The following CEMIP variants were observed in gnomAD, a reference collection of about 807,000 sequenced individuals.
CEMIP encodes cell migration-inducing and hyaluronan-binding protein.
In CEMIP, 105 loss-of-function variants were observed where a neutral mutation model predicts 156.9. The observed-to-expected ratio is 0.67, with a 90% CI of 0.57 to 0.79. The LOEUF (loss-of-function observed/expected upper bound fraction) is 0.79. Among genes scored for constraint, CEMIP ranks in the 30% least tolerant of loss-of-function variants. CEMIP has a pLI of 0.00. For missense variants in CEMIP, 1,457 were observed against 1,769.4 expected, an observed-to-expected ratio of 0.82 and a Z score of 3.17; for synonymous variants, 676 against 668.4, an observed-to-expected ratio of 1.01 and a Z score of -0.17.
intron 14 of CEMIP, among the ~76,000 whole-genome samples, chr15:80,913,496 C>A (rs1900145116): frequency 8.7e-6 from 1 of 115,338 alleles, no homozygotes; most frequent in East Asian, 3.4e-4. Flanking sequence ...TCACAGAGAC[C>A]TGTGTTTTCA....
intron 1 of CEMIP, among the ~76,000 whole-genome samples, chr15:80,817,673 C>A (rs990516806): frequency 6.6e-6 from 1 of 150,856 alleles, no homozygotes; most frequent in East Asian, 1.9e-4. Context: ...ATTATGGGAA[C>A]ATTTGGGGGT....
At chr15:80,889,697 C>T (rs944285177) in intron 10 of CEMIP, 105 bp downstream of exon 10, 6 of 1,463,918 alleles carry the variant, frequency 4.1e-6, no homozygotes, top group Non-Finnish European at 5.7e-6. Context: ...TTCTCGTTGC[C>T]CTCCTGTGAG....
intron 29 of CEMIP, 105 bp from the exon 30 acceptor site, chr15:80,948,692 G>T: frequency 6.8e-7 from 1 of 1,472,240 alleles, no homozygotes. Context: ...TGGCTAGGCG[G>T]TACCTGGTGG....
intron 1 of CEMIP, among the ~76,000 whole-genome samples, chr15:80,788,471 C>CAAA (rs11320710): frequency 8.3e-4 from 66 of 79,314 alleles, no homozygotes; most frequent in Admixed American, 3.4e-3. Flanking sequence ...AACTCCATCT[C>CAAA]AAAAAAAAAA....
At chr15:80,848,953 A>ATTTTTTTTTTTTTTTTTTTTTTTTT (rs764417438) in intron 1 of CEMIP, among the ~76,000 whole-genome samples, 1 of 72,462 alleles carries the variant, frequency 1.4e-5, no homozygotes, top group Non-Finnish European at 2.4e-5. Context: ...CTCTTTAGAA[A>ATTTTTTTTTTTTTTTTTTTTTTTTT]TTTTTTTTTT....
chr15:80,800,196 A>G (rs551245710), intron 1 of CEMIP, among the ~76,000 whole-genome samples: 5 of 152,156 alleles, frequency 3.3e-5, no homozygotes, highest in Admixed American at 6.5e-5. Context: ...TTAATAGCCT[A>G]TGTTGAAGGG....
chr15:80,826,061 C>G (rs994254842), intron 1 of CEMIP, among the ~76,000 whole-genome samples: 1 of 152,220 alleles, frequency 6.6e-6, no homozygotes, highest in Non-Finnish European at 1.5e-5. Context: ...TTCTGTGCAA[C>G]TCCATCCAAT....
intron 17 of CEMIP, among the ~76,000 whole-genome samples, chr15:80,922,475 C>A (rs1013207671): frequency 6.6e-6 from 1 of 152,186 alleles, no homozygotes; most frequent in Non-Finnish European, 1.5e-5. Context: ...ATTCACTTGG[C>A]GGGGCTGGGT....
intron 1 of CEMIP, among the ~76,000 whole-genome samples, chr15:80,815,297 T>C (rs1434549989): frequency 6.6e-6 from 1 of 152,248 alleles, no homozygotes; most frequent in East Asian, 1.9e-4. Flanking sequence ...CCTGGCCCAA[T>C]TCCCAGTGCT....
intron 1 of CEMIP, among the ~76,000 whole-genome samples, chr15:80,788,787 C>A (rs1272637024): frequency 3.3e-5 from 5 of 152,124 alleles, no homozygotes; most frequent in Non-Finnish European, 5.9e-5. Flanking sequence ...ATGAGTGAGC[C>A]TGCTCATCTC....
chr15:80,855,406 C>T (rs1897826914), intron 1 of CEMIP, among the ~76,000 whole-genome samples: 1 of 152,160 alleles, frequency 6.6e-6, no homozygotes, highest in Non-Finnish European at 1.5e-5. Context: ...GCCGAGGACA[C>T]CTGCCTCCAA....
intron 1 of CEMIP, among the ~76,000 whole-genome samples, chr15:80,791,553 T>C (rs1051161899): frequency 3.3e-5 from 5 of 152,092 alleles, no homozygotes; most frequent in African/African-American, 1.2e-4. Context: ...TGAGGTTTCT[T>C]CCCGCTGCAA....
chr15:80,794,724 T>G (rs1340813636), intron 1 of CEMIP, among the ~76,000 whole-genome samples: 5 of 152,212 alleles, frequency 3.3e-5, no homozygotes, highest in Non-Finnish European at 5.9e-5. Context: ...TTTCCCGTGC[T>G]TAATAGCCAC....
At chr15:80,923,914 C>A (rs1169729460) in intron 17 of CEMIP, among the ~76,000 whole-genome samples, 1 of 152,178 alleles carries the variant, frequency 6.6e-6, no homozygotes, top group African/African-American at 2.4e-5. Context: ...GGACTCACAT[C>A]ACCGCTGCTG....
chr15:80,898,120 A>C (rs566116714), intron 12 of CEMIP, among the ~76,000 whole-genome samples: 53 of 152,350 alleles, frequency 3.5e-4, no homozygotes, highest in African/African-American at 1.2e-3. Context: ...CATTCTATGA[A>C]GACGTTTTGA....
chr15:80,902,899 C>A (rs1251875377), intron 12 of CEMIP, among the ~76,000 whole-genome samples: 2 of 152,198 alleles, frequency 1.3e-5, no homozygotes, highest in Admixed American at 6.5e-5. Context: ...TTTCTAAGCA[C>A]AGCCCATGGA....
At chr15:80,880,763 G>C (rs1319773862) in intron 5 of CEMIP, 137 bp from the exon 6 acceptor site, 1 of 786,138 alleles carries the variant, frequency 1.3e-6, no homozygotes, top group African/African-American at 1.7e-5. Context: ...GACCTCAGGT[G>C]ATAAAAGTGT....
In CEMIP at chr15:80,924,655, C is replaced by T. The variant is rs1443886792; in HGVS notation, c.2237C>T (p.Thr746Ile). ...GMIIDNGVKTTEASAKDKRPF... is the reference protein window; with the variant it reads ...GMIIDNGVKTIEASAKDKRPF... ...ATCATAGACAACGGAGTCAAAACCA[C>T]CGAGGCCTCTGCCAAGGACAAGCGG... is the stretch of plus-strand genomic sequence containing the variant. The change falls in exon 18 of 30, where the codon ACC becomes ATC. Residue 746 changes from threonine (T) to isoleucine (I), a missense_variant. Thr to Ile is a moderately conservative substitution (Grantham distance 89). Around this residue, in one of 5 missense-constraint regions of CEMIP, gnomAD observed 798 missense variants for 980.1 expected, o/e 0.81. Transcript: ENST00000394685. The T allele has an allele frequency of 6.2e-6, 10 of 1,614,222 alleles. No individual in the cohort carries two copies. The highest frequency in any genetic ancestry group is 1.1e-5 in the South Asian group (1 of 91,078).
chr15:80,873,462 A>G (rs551010042), intron 1 of CEMIP, 76 bp from the exon 2 acceptor site: 13 of 282,888 alleles, frequency 4.6e-5, no homozygotes, highest in African/African-American at 2.0e-4. Context: ...GAGATCACAC[A>G]GCGAGTTGGT....
Sources: gnomAD v4.1 joint callset for allele counts (sites outside exome capture counted in the v4.1 genomes callset) on GRCh38, gnomAD v4.1.1 for gene constraint, gnomAD v4.1.1 regional missense constraint, MANE v1.5 for transcripts, NCBI Gene and HGNC (gene_info 2026-07-23, HGNC 2026-07-21) for gene names.